Variants in TENT4B observed in about 807,000 individuals in gnomAD.
The protein encoded by TENT4B is terminal nucleotidyltransferase 4B, also known as PAP associated domain containing 5.
TENT4B carries 10 observed loss-of-function variants against 75.0 expected under a neutral mutation model. The observed-to-expected ratio is 0.13, with a 90% CI of 0.08 to 0.23. TENT4B has a LOEUF of 0.23. TENT4B is among the 10% of genes least tolerant of loss of function. The pLI, the probability that TENT4B is intolerant of heterozygous loss-of-function variation, is 1.00. For synonymous variants in TENT4B, 350 were observed against 357.7 expected (o/e 0.98, Z 0.24); for missense variants, 579 against 893.8 (o/e 0.65, Z 4.49).
intron 1 of TENT4B, among the ~76,000 whole-genome samples, chr16:50,173,221 G>A (rs1440168343): frequency 1.3e-5 from 2 of 152,190 alleles, no homozygotes; most frequent in Non-Finnish European, 2.9e-5. Flanking sequence ...TGGGATTACA[G>A]GCGTGAGCCA....
chr16:50,193,331 G>GTTTT (rs774084083), intron 1 of TENT4B, among the ~76,000 whole-genome samples: 119 of 101,468 alleles, frequency 1.2e-3, no homozygotes, highest in South Asian at 2.2e-3. Flanking sequence ...AGTTCCTGGA[G>GTTTT]TTTTTTTTTT....
At chr16:50,198,667 G>C (rs1424674124) in intron 1 of TENT4B, among the ~76,000 whole-genome samples, 1 of 152,090 alleles carries the variant, frequency 6.6e-6, no homozygotes, top group Non-Finnish European at 1.5e-5. Context: ...AGAGTCATTT[G>C]TTAAAATGAT....
chr16:50,205,406 TAA>T (rs1405697429), intron 1 of TENT4B, among the ~76,000 whole-genome samples: 2 of 151,998 alleles, frequency 1.3e-5, no homozygotes, highest in Non-Finnish European at 2.9e-5. Context: ...AAAAATAAGT[TAA>T]AGTCTTCCTA....
At chr16:50,160,569 A>G (rs2037985377) in intron 1 of TENT4B, among the ~76,000 whole-genome samples, 1 of 152,220 alleles carries the variant, frequency 6.6e-6, no homozygotes, top group African/African-American at 2.4e-5. Context: ...CCAACAAATC[A>G]TAGTGTTAGA....
At position 50,230,859 on chromosome 16, in the gene TENT4B, T is replaced by G. The variant is rs959179679; in HGVS notation, c.*1531T>G. ...TCTTTCAGGGTGAAAGCTCTTATGT[T>G]TAGCATCAATGTGTATGGCTCTGTT... On this transcript the variant is annotated 3_prime_UTR_variant, in exon 12 of 12. Coordinates refer to ENST00000561678, the MANE Select transcript of TENT4B (RefSeq NM_001365324.3). 5.1e-6 allele frequency: 5 copies of G among 985,518 alleles called. No individual in the cohort carries two copies. Among genetic ancestry groups the G allele is most frequent in the African/African-American group, 3.5e-5 (2 of 57,214 alleles). The allele number at this position is 985,518 out of a possible 1,614,324, so 61.0% of individuals were successfully genotyped here.
intron 1 of TENT4B, among the ~76,000 whole-genome samples, chr16:50,197,415 C>T (rs746181219): frequency 4.6e-5 from 7 of 152,216 alleles, no homozygotes; most frequent in African/African-American, 7.2e-5. Flanking sequence ...CAGCCTCCTG[C>T]GTAGCTGGGA....
At chr16:50,193,305 GT>G (rs1369718620) in intron 1 of TENT4B, among the ~76,000 whole-genome samples, 2 of 151,114 alleles carry the variant, frequency 1.3e-5, no homozygotes, top group African/African-American at 4.9e-5. Flanking sequence ...AAGAGGAGTG[GT>G]GGGCCCATAG....
intron 1 of TENT4B, among the ~76,000 whole-genome samples, chr16:50,165,582 A>G (rs1460447748): frequency 6.6e-6 from 1 of 151,220 alleles, no homozygotes; most frequent in African/African-American, 2.4e-5. Flanking sequence ...ATCACTCCCC[A>G]CTCCCTCACA....
At chr16:50,203,731 C>G (rs1284145659) in intron 1 of TENT4B, among the ~76,000 whole-genome samples, 1 of 152,156 alleles carries the variant, frequency 6.6e-6, no homozygotes, top group Non-Finnish European at 1.5e-5. Flanking sequence ...CATCATGTCC[C>G]TTTTGAGACT....
chr16:50,157,254 T>G (rs1296867266), intron 1 of TENT4B, among the ~76,000 whole-genome samples: 3 of 152,168 alleles, frequency 2.0e-5, no homozygotes, highest in African/African-American at 7.2e-5. Context: ...CTGTCTTTTG[T>G]GTTCTCTGCT....
Position 50,230,300 on chromosome 16 carries a change from G to GAAA in TENT4B, c.*987_*989dup, listed in dbSNP as rs34413257. Reference sequence around the variant, plus strand: ...TTTTCCCCCCATTTCTTCCTAATAGGAAAAAAAAAAAAAAAAAGGTCACCC... The same window carrying GAAA: ...TTTTCCCCCCATTTCTTCCTAATAGGAAAAAAAAAAAAAAAAAAAAGGTCACCC... On this transcript the variant is annotated 3_prime_UTR_variant, in exon 12 of 12. Transcript: ENST00000561678. The GAAA allele has an allele frequency of 4.6e-4, 419 of 919,006 alleles. No individual in the cohort carries two copies. The highest frequency in any genetic ancestry group is 1.1e-3 in the African/African-American group (55 of 48,406). 56.9% of individuals were successfully genotyped at this position (919,006 alleles called of 1,614,324 possible).
chr16:50,172,802 C>T (rs1418320233), intron 1 of TENT4B, among the ~76,000 whole-genome samples: 1 of 152,080 alleles, frequency 6.6e-6, no homozygotes, highest in Non-Finnish European at 1.5e-5. Flanking sequence ...CCCCTTTGTT[C>T]CACCTTTTCA....
chr16:50,180,162 G>A (rs2038385768), intron 1 of TENT4B, among the ~76,000 whole-genome samples: 1 of 150,674 alleles, frequency 6.6e-6, no homozygotes, highest in African/African-American at 2.4e-5. Context: ...GGAGTGCAAT[G>A]GTGCGATCTC....
chr16:50,186,945 G>A (rs2038540041), intron 1 of TENT4B, among the ~76,000 whole-genome samples: 2 of 151,388 alleles, frequency 1.3e-5, no homozygotes, highest in Non-Finnish European at 2.9e-5. Context: ...ATTTTTTGAA[G>A]GGATAAGGTC....
At chr16:50,156,737 C>G (rs2037908799) in intron 1 of TENT4B, among the ~76,000 whole-genome samples, 1 of 152,078 alleles carries the variant, frequency 6.6e-6, no homozygotes, top group East Asian at 1.9e-4. Flanking sequence ...TCACTGTATC[C>G]TCTAACTCTT....
At chr16:50,179,401 A>C (rs998252122) in intron 1 of TENT4B, among the ~76,000 whole-genome samples, 1 of 152,020 alleles carries the variant, frequency 6.6e-6, no homozygotes, top group Admixed American at 6.6e-5. Context: ...CCAAATGTTT[A>C]TATTTACTTT....
At chr16:50,160,981 G>A (rs2037993428) in intron 1 of TENT4B, among the ~76,000 whole-genome samples, 1 of 152,142 alleles carries the variant, frequency 6.6e-6, no homozygotes, top group Non-Finnish European at 1.5e-5. Flanking sequence ...AAGAATTAGA[G>A]ACTAGTTACC....
chr16:50,230,756 A>T lies in TENT4B; in HGVS notation c.*1428A>T. ...GTGCAATGAGATGTATAATTCTGTT[A>T]TCATTACCTGTTGAGTTTGAAACTC... On this transcript the variant is annotated 3_prime_UTR_variant, in exon 12 of 12. Coordinates refer to ENST00000561678, the MANE Select transcript of TENT4B (RefSeq NM_001365324.3). 1.0e-6 allele frequency: 1 copy of T among 985,664 alleles called. No individual in the cohort carries two copies. The highest frequency in any genetic ancestry group is 1.2e-6 in the Non-Finnish European group (1 of 829,750). The allele number at this position is 985,664 out of a possible 1,614,324, so 61.1% of individuals were successfully genotyped here.
At position 50,234,595 on chromosome 16, in the gene TENT4B, A is replaced by G. The variant is rs2032391009; in HGVS notation, c.*5267A>G. The stretch of plus-strand genomic sequence containing the variant: ...CTGAACTTAATCTCCTAATTTTAAG[A>G]TCCTCTCTGATTTTTGCATATTGAA... On this transcript the variant is annotated 3_prime_UTR_variant, in exon 12 of 12. Coordinates refer to ENST00000561678, the MANE Select transcript of TENT4B (RefSeq NM_001365324.3). The G allele has an allele frequency of 1.0e-6, 1 of 983,710 alleles. No individual in the cohort carries two copies. Among genetic ancestry groups the G allele is most frequent in the South Asian group, 4.7e-5 (1 of 21,258 alleles). 60.9% of individuals were successfully genotyped at this position (983,710 alleles called of 1,614,324 possible).
Sources: allele counts gnomAD v4.1 joint callset (sites outside exome capture counted in the v4.1 genomes callset), GRCh38; gene constraint gnomAD v4.1.1; transcripts MANE v1.5; gene names NCBI Gene and HGNC (gene_info 2026-07-23, HGNC 2026-07-21).